The following CDH13 variants were observed in gnomAD, a reference collection of about 807,000 sequenced individuals.
CDH13 encodes the protein cadherin 13, also known as cadherin-13.
A neutral mutation model predicts 63.8 loss-of-function variants in CDH13; 24 were observed. The ratio of observed to expected loss-of-function variants is 0.38; its 90% confidence interval spans 0.27 to 0.53. The LOEUF is 0.53. Among genes scored for constraint, CDH13 ranks in the 20% least tolerant of loss-of-function variants. CDH13 has a pLI of 0.85. For missense variants in CDH13, 1,049 were observed against 903.1 expected (o/e 1.16, Z -2.07); for synonymous variants, 503 against 355.3 (o/e 1.42, Z -4.67).
intron 10 of CDH13, among the ~76,000 whole-genome samples, chr16:83,714,986 T>C (rs146428126): frequency 1.3e-5 from 2 of 152,142 alleles, no homozygotes; most frequent in Admixed American, 1.3e-4. Context: ...CTCAGGTACT[T>C]GTTATTTGCT....
chr16:83,260,496 C>T (rs1220548233), intron 5 of CDH13, among the ~76,000 whole-genome samples: 1 of 152,186 alleles, frequency 6.6e-6, no homozygotes, highest in Non-Finnish European at 1.5e-5. Flanking sequence ...AACCAGGACA[C>T]TTGATTGCTT....
At chr16:82,639,256 C>T (rs1406952819) in intron 1 of CDH13, 4 of 666,150 alleles carry the variant, frequency 6.0e-6, no homozygotes, top group African/African-American at 1.8e-5. Context: ...CAAAGTGGGT[C>T]TGGGCCCTGG....
intron 10 of CDH13, among the ~76,000 whole-genome samples, chr16:83,690,865 G>C (rs539014162): frequency 6.6e-6 from 1 of 152,170 alleles, no homozygotes; most frequent in South Asian, 2.1e-4. Context: ...GGGATTACAG[G>C]CATGCACCAC....
chr16:82,702,673 C>A (rs1218439428), intron 1 of CDH13, among the ~76,000 whole-genome samples: 2 of 152,110 alleles, frequency 1.3e-5, no homozygotes, highest in Non-Finnish European at 2.9e-5. Flanking sequence ...GTAATTGTCC[C>A]CCTCAATTCT....
intron 3 of CDH13, among the ~76,000 whole-genome samples, chr16:83,046,278 T>G (rs914253537): frequency 6.6e-6 from 1 of 152,178 alleles, no homozygotes; most frequent in Non-Finnish European, 1.5e-5. Flanking sequence ...ATTGCTTCTA[T>G]CTTTCTTAAT....
chr16:83,301,367 A>G (rs894906257), intron 5 of CDH13, among the ~76,000 whole-genome samples: 7 of 151,880 alleles, frequency 4.6e-5, no homozygotes, highest in East Asian at 1.9e-4. Context: ...TCCCCAGTAC[A>G]TTTATCCACT....
At chr16:83,355,740 G>A (rs762950710) in intron 6 of CDH13, among the ~76,000 whole-genome samples, 9 of 152,182 alleles carry the variant, frequency 5.9e-5, no homozygotes, top group Non-Finnish European at 1.0e-4. Context: ...AGACGAAAGA[G>A]GAAGTCAGTA....
At chr16:83,700,974 C>G (rs1906131203) in intron 10 of CDH13, among the ~76,000 whole-genome samples, 3 of 152,292 alleles carry the variant, frequency 2.0e-5, no homozygotes, top group Non-Finnish European at 2.9e-5. Context: ...TCTTCCCCTT[C>G]TCAATAAAAC....
chr16:83,352,818 A>T (rs2090982233), intron 6 of CDH13, among the ~76,000 whole-genome samples: 1 of 152,150 alleles, frequency 6.6e-6, no homozygotes, highest in Non-Finnish European at 1.5e-5. Flanking sequence ...TGAACCCGGG[A>T]GGCGGAGTGT....
chr16:82,841,353 T>C (rs2039002715), intron 1 of CDH13, among the ~76,000 whole-genome samples: 1 of 152,222 alleles, frequency 6.6e-6, no homozygotes, highest in Non-Finnish European at 1.5e-5. Context: ...TTAACTATCA[T>C]GGGAGATACT....
At chr16:82,905,094 A>G (rs540247435) in intron 2 of CDH13, among the ~76,000 whole-genome samples, 39 of 152,286 alleles carry the variant, frequency 2.6e-4, no homozygotes, top group African/African-American at 8.2e-4. Flanking sequence ...TGATTCTTCA[A>G]GGGAAGTAGG....
chr16:82,695,091 C>T (rs2030104329), intron 1 of CDH13, among the ~76,000 whole-genome samples: 3 of 152,006 alleles, frequency 2.0e-5, no homozygotes, highest in Non-Finnish European at 4.4e-5. Context: ...GGAGGAAGGG[C>T]ATGTTCTTGG....
intron 5 of CDH13, among the ~76,000 whole-genome samples, chr16:83,315,033 A>G (rs2090077601): frequency 6.6e-6 from 1 of 152,206 alleles, no homozygotes. Flanking sequence ...AGGCACTTAT[A>G]TTCAACTACA....
intron 3 of CDH13, among the ~76,000 whole-genome samples, chr16:83,108,455 A>G (rs13332819): frequency 0.1 from 15,365 of 152,234 alleles, 897 homozygotes; most frequent in African/African-American, 0.16. Context: ...CAAAGCGAGA[A>G]AGGGTCCTGC....
At chr16:83,285,054 A>G (rs2089274744) in intron 5 of CDH13, among the ~76,000 whole-genome samples, 1 of 151,996 alleles carries the variant, frequency 6.6e-6, no homozygotes, top group Non-Finnish European at 1.5e-5. Flanking sequence ...CTCACTCATA[A>G]TTTCTTTCTC....
intron 10 of CDH13, among the ~76,000 whole-genome samples, chr16:83,730,718 G>A (rs1910945812): frequency 1.3e-5 from 2 of 152,072 alleles, no homozygotes; most frequent in African/African-American, 4.8e-5. Context: ...TTATTACCTG[G>A]GTCTATTGCG....
At chr16:82,709,303 A>G (rs926828710) in intron 1 of CDH13, among the ~76,000 whole-genome samples, 3 of 152,134 alleles carry the variant, frequency 2.0e-5, no homozygotes, top group African/African-American at 7.2e-5. Context: ...TGAACTTGCA[A>G]TTTTTTTCTG....
At chr16:83,277,449 C>A (rs1320009982) in intron 5 of CDH13, among the ~76,000 whole-genome samples, 1 of 152,092 alleles carries the variant, frequency 6.6e-6, no homozygotes, top group Non-Finnish European at 1.5e-5. Flanking sequence ...TTCCTAGGTA[C>A]AATTCAGTTT....
chr16:83,424,467 T>G (rs973399222), intron 6 of CDH13, among the ~76,000 whole-genome samples: 5 of 152,194 alleles, frequency 3.3e-5, no homozygotes, highest in African/African-American at 1.2e-4. Flanking sequence ...GGCCTTGCCA[T>G]GCCCTTCATC....
Sources: gnomAD v4.1 joint callset for allele counts (sites outside exome capture counted in the v4.1 genomes callset) on GRCh38, gnomAD v4.1.1 for gene constraint, MANE v1.5 for transcripts, NCBI Gene and HGNC (gene_info 2026-07-23, HGNC 2026-07-21) for gene names.